Variants in CSF2RA observed in about 807,000 individuals in gnomAD.
CSF2RA encodes colony stimulating factor 2 receptor subunit alpha.
Under a neutral mutation model 51.6 loss-of-function variants are expected in CSF2RA, and 42 were observed. That is an observed-to-expected ratio of 0.81 (90% CI 0.64 to 1.05). The LOEUF is 1.05. Among genes scored for constraint, CSF2RA ranks in the 50% least tolerant of loss-of-function variants. The pLI, the probability that CSF2RA is intolerant of heterozygous loss-of-function variation, is 0.00. For missense variants in CSF2RA, 530 were observed against 501.1 expected (o/e 1.06, Z -0.55); for synonymous variants, 222 against 193.0 (o/e 1.15, Z -1.24).
At chrX:1,285,091 G>A (rs190130949) in intron 3 of CSF2RA, among the ~76,000 whole-genome samples, 32 of 152,006 alleles carry the variant, frequency 2.1e-4, no homozygotes, top group Admixed American at 1.5e-3. Flanking sequence ...AAAGAGATGC[G>A]ATCTTGCTAT....
the CSF2RA span, among the ~76,000 whole-genome samples, chrX:1,318,317 C>T: frequency 4.6e-5 from 7 of 151,932 alleles, no homozygotes; most frequent in Non-Finnish European, 8.8e-5. Flanking sequence ...GCATACGCCA[C>T]CACACCCAGC....
At chrX:1,287,925 CG>C (rs1374475049) in intron 4 of CSF2RA, among the ~76,000 whole-genome samples, 1 of 145,112 alleles carries the variant, frequency 6.9e-6, no homozygotes, top group African/African-American at 2.6e-5. Flanking sequence ...TTAGTAGAGA[CG>C]GGGTTTCACC....
At chrX:1,303,431 G>T in intron 10 of CSF2RA, 1 of 418,894 alleles carries the variant, frequency 2.4e-6, no homozygotes, top group Non-Finnish European at 4.2e-6. Flanking sequence ...GCAGAGATGA[G>T]GTTTCACCAT....
At chrX:1,288,493 G>A (rs772012609) in intron 4 of CSF2RA, 26 bp from the exon 5 acceptor site, 17 of 1,613,688 alleles carry the variant, frequency 1.1e-5, no homozygotes, top group South Asian at 8.8e-5. Flanking sequence ...TTTCCTAATC[G>A]GCTCTGTCTG....
chrX:1,277,035 G>T (rs2089271129), intron 2 of CSF2RA, among the ~76,000 whole-genome samples: 1 of 151,936 alleles, frequency 6.6e-6, no homozygotes, highest in African/African-American at 2.4e-5. Context: ...GCAGGTGGAG[G>T]TTGCAGTGAG....
At chrX:1,285,735 A>T (rs1375266530) in intron 3 of CSF2RA, 43 bp from the exon 4 acceptor site, 2 of 1,550,760 alleles carry the variant, frequency 1.3e-6, no homozygotes, top group Admixed American at 3.6e-5. Context: ...AAAAAAAGGA[A>T]AAGAAAAGAG....
chrX:1,314,492 A>AATGCACCTACCCAACCCCT, downstream of CSF2RA, among the ~76,000 whole-genome samples: 1 of 128,834 alleles, frequency 7.8e-6, no homozygotes, highest in African/African-American at 3.2e-5. Context: ...ACCCAACCCC[A>AATGCACCTACCCAACCCCT]CTGTGCCTGC....
the CSF2RA span, among the ~76,000 whole-genome samples, chrX:1,324,994 G>C: frequency 1.3e-5 from 2 of 151,952 alleles, no homozygotes; most frequent in African/African-American, 4.8e-5. Flanking sequence ...GCCCCAAACT[G>C]GCCACCGACA....
intron 8 of CSF2RA, 48 bp downstream of exon 8, chrX:1,294,509 G>C: frequency 2.5e-6 from 4 of 1,612,220 alleles, no homozygotes; most frequent in Non-Finnish European, 3.4e-6. Flanking sequence ...AGGCGTACGG[G>C]ACACGCCCGC....
At chrX:1,305,043 G>C (rs2083423066) in intron 11 of CSF2RA, among the ~76,000 whole-genome samples, 1 of 148,330 alleles carries the variant, frequency 6.7e-6, no homozygotes, top group Non-Finnish European at 1.5e-5. Context: ...ACCCAGGCTG[G>C]AGTGCAGTGG....
At chrX:1,294,605 G>T (rs1182646232) in intron 8 of CSF2RA, 144 bp downstream of exon 8, 2 of 1,073,918 alleles carry the variant, frequency 1.9e-6, no homozygotes, top group Non-Finnish European at 2.8e-6. Flanking sequence ...CGCACTTCGG[G>T]TAGCGGAGGA....
intron 9 of CSF2RA, among the ~76,000 whole-genome samples, chrX:1,299,182 C>T (rs1288050721): frequency 6.6e-6 from 1 of 152,114 alleles, no homozygotes; most frequent in African/African-American, 2.4e-5. Context: ...CATTTTATTC[C>T]TCTTTCCTCT....
the CSF2RA span, among the ~76,000 whole-genome samples, chrX:1,316,395 G>C: frequency 2.4e-4 from 37 of 152,084 alleles, no homozygotes; most frequent in Non-Finnish European, 8.8e-5. Flanking sequence ...CTTGTTCCAA[G>C]ACCCTCACCT....
intron 2 of CSF2RA, among the ~76,000 whole-genome samples, chrX:1,280,679 C>CTTCTTCTTCTCTTCT: frequency 6.7e-6 from 1 of 149,694 alleles, no homozygotes; most frequent in Admixed American, 6.7e-5. Context: ...CCTCCTCCTC[C>CTTCTTCTTCTCTTCT]TTCTTCTTCT....
intron 6 of CSF2RA, among the ~76,000 whole-genome samples, chrX:1,289,462 T>G (rs1377067256): frequency 2.6e-5 from 4 of 152,120 alleles, no homozygotes; most frequent in African/African-American, 9.7e-5. Context: ...TTTGTGTTTT[T>G]TGTTTTGTTT....
At chrX:1,323,381 T>C in the CSF2RA span, among the ~76,000 whole-genome samples, 2 of 151,890 alleles carry the variant, frequency 1.3e-5, no homozygotes, top group Middle Eastern at 6.9e-3. Context: ...CCAGTTCCTG[T>C]TATTAAACGT....
At chrX:1,281,112 T>TCTCCTCCTCCTCCTC (rs771038360) in intron 2 of CSF2RA, among the ~76,000 whole-genome samples, 1 of 25,050 alleles carries the variant, frequency 4.0e-5, no homozygotes, top group African/African-American at 2.1e-4. Context: ...TCCTCCTCCT[T>TCTCCTCCTCCTCCTC]CTCCTCCTCC....
chrX:1,319,989 G>A, the CSF2RA span, among the ~76,000 whole-genome samples: 431 of 139,276 alleles, frequency 3.1e-3, 5 homozygotes, highest in African/African-American at 0.01. Flanking sequence ...TCTGCCTCCT[G>A]GGTTCACGCC....
chrX:1,300,460 C>T lies in CSF2RA; in HGVS notation c.811-31C>T, dbSNP rs761830326. On this transcript the variant is annotated intron_variant, in intron 9 of 12. Transcript: ENST00000381529. ...AACCTTTTCCTCCACACAGAAGACGCCTATCTCTAACTTTCTTTTTTCCTC... is the reference window on the plus strand; with the variant it reads ...AACCTTTTCCTCCACACAGAAGACGTCTATCTCTAACTTTCTTTTTTCCTC... 43 of 1,613,598 alleles carry T rather than the reference C, an allele frequency of 2.7e-5. No individual in the cohort carries two copies. The South Asian group carries it at 4.0e-4, about 15-fold the overall frequency.
Sources: allele counts gnomAD v4.1 joint callset (sites outside exome capture counted in the v4.1 genomes callset), GRCh38; gene constraint gnomAD v4.1.1; transcripts MANE v1.5; gene names NCBI Gene and HGNC (gene_info 2026-07-23, HGNC 2026-07-21).